RBFOX1: variants seen among roughly 807,000 people sequenced by gnomAD.
RBFOX1 encodes the protein RNA binding fox-1 homolog 1.
In RBFOX1, 8 loss-of-function variants were observed where a neutral mutation model predicts 57.7. That is an observed-to-expected ratio of 0.14 (90% CI 0.08 to 0.25). RBFOX1 has a LOEUF of 0.25. Ranked by LOEUF, RBFOX1 falls within the 10% of genes least tolerant of loss-of-function variation. The pLI is 1.00. For missense variants in RBFOX1, 611 were observed against 548.5 expected, an observed-to-expected ratio of 1.11 and a Z score of -1.14; for synonymous variants, 326 against 222.4, an observed-to-expected ratio of 1.47 and a Z score of -4.15.
chr16:7,241,785 A>G (rs534397735), intron 4 of RBFOX1, among the ~76,000 whole-genome samples: 2 of 151,910 alleles, frequency 1.3e-5, no homozygotes, highest in Non-Finnish European at 2.9e-5. Flanking sequence ...TTCTCTTTCA[A>G]TCTGTCTATA....
intron 5 of RBFOX1, among the ~76,000 whole-genome samples, chr16:7,544,122 A>G (rs1436305678): frequency 6.6e-6 from 1 of 152,226 alleles, no homozygotes; most frequent in Non-Finnish European, 1.5e-5. Context: ...AGACCAGGAA[A>G]GCCTGAATTG....
chr16:7,344,174 C>G lies in RBFOX1; in HGVS notation c.28-173973C>G, dbSNP rs9932756. ...GCAGTTTTCTCTTCGGTAAAATGGC[C>G]CATATTAAAAGTGCCTAAATTCAAG... is the stretch of plus-strand genomic sequence containing the variant. On this transcript the variant is annotated intron_variant, in intron 4 of 15. Coordinates refer to ENST00000550418, the MANE Select transcript of RBFOX1 (RefSeq NM_018723.4). 4.2e-3 allele frequency among the ~76,000 whole-genome samples: 623 copies of G among 147,068 alleles called. 3 individuals are homozygous for G. Among genetic ancestry groups the G allele is most frequent in the African/African-American group, 0.015 (601 of 39,900 alleles).
chr16:7,041,948 A>G (rs552020789), intron 3 of RBFOX1, among the ~76,000 whole-genome samples: 1 of 152,332 alleles, frequency 6.6e-6, no homozygotes, highest in Non-Finnish European at 1.5e-5. Flanking sequence ...AATTGCCTGC[A>G]GAGATTATAT....
intron 2 of RBFOX1, among the ~76,000 whole-genome samples, chr16:6,527,341 T>A (rs1257690849): frequency 6.6e-6 from 1 of 152,068 alleles, no homozygotes; most frequent in African/African-American, 2.4e-5. Flanking sequence ...TGTGTGTATG[T>A]GTGTGTATCC....
rs560842778 is a variant in RBFOX1 at position 5,248,594 on chromosome 16, C to T, written c.219+8489C>T. Among the ~76,000 whole-genome samples, 6 of 152,192 alleles carry T rather than the reference C, an allele frequency of 3.9e-5. No homozygotes were observed. The South Asian group carries it at 8.3e-4, about 21-fold the overall frequency. On this transcript the variant is annotated intron_variant, in intron 1 of 2. Coordinates refer to the RBFOX1 transcript ENST00000585867. Reference sequence around the variant, plus strand: ...AGAGCCCCGGGGCAGGAGCCAGGGCCGTGGAGCGCTTGGGGGGTGGTCTGA... The same window carrying T: ...AGAGCCCCGGGGCAGGAGCCAGGGCTGTGGAGCGCTTGGGGGGTGGTCTGA...
chr16:7,620,219 G>A (rs1323840168), intron 10 of RBFOX1, among the ~76,000 whole-genome samples: 2 of 152,082 alleles, frequency 1.3e-5, no homozygotes, highest in African/African-American at 4.8e-5. Flanking sequence ...ATTACTATTT[G>A]CCAAACACTT....
intron 2 of RBFOX1, among the ~76,000 whole-genome samples, chr16:6,614,591 T>C (rs576347953): frequency 9.5e-4 from 145 of 152,334 alleles, no homozygotes; most frequent in South Asian, 6.0e-3. Context: ...GGAGGTTGCA[T>C]GTCTGAAATC....
At chr16:7,570,899 G>T (rs746616927) in intron 5 of RBFOX1, among the ~76,000 whole-genome samples, 1 of 152,178 alleles carries the variant, frequency 6.6e-6, no homozygotes, top group Non-Finnish European at 1.5e-5. Context: ...ATACTATGTA[G>T]CCATGAAAGG....
chr16:6,960,645 C>G (rs143415893), intron 3 of RBFOX1, among the ~76,000 whole-genome samples: 20 of 152,174 alleles, frequency 1.3e-4, no homozygotes, highest in African/African-American at 4.8e-4. Context: ...CTTCCTTCCT[C>G]TGTTCTGGAG....
chr16:5,712,097 A>G (rs2051509109), intron 3 of RBFOX1, among the ~76,000 whole-genome samples: 1 of 152,118 alleles, frequency 6.6e-6, no homozygotes, highest in African/African-American at 2.4e-5. Flanking sequence ...AAGGGGGAGG[A>G]GCCCTGTATA....
At chr16:5,294,090 G>A (rs545338366) in intron 1 of RBFOX1, among the ~76,000 whole-genome samples, 10 of 152,096 alleles carry the variant, frequency 6.6e-5, no homozygotes, top group South Asian at 2.1e-4. Flanking sequence ...TTAGCTAGGC[G>A]TGGTGGTGCA....
intron 1 of RBFOX1, among the ~76,000 whole-genome samples, chr16:6,174,626 G>T (rs1437331478): frequency 6.6e-6 from 1 of 152,068 alleles, no homozygotes; most frequent in African/African-American, 2.4e-5. Flanking sequence ...AAAAAATAAA[G>T]AAAAGAAAAA....
intron 2 of RBFOX1, among the ~76,000 whole-genome samples, chr16:6,366,969 T>A (rs1352257784): frequency 6.6e-6 from 1 of 152,232 alleles, no homozygotes; most frequent in African/African-American, 2.4e-5. Context: ...AAAGTGCACA[T>A]GACAATTTTA....
At chr16:7,236,032 A>T (rs188971311) in intron 4 of RBFOX1, among the ~76,000 whole-genome samples, 1 of 152,288 alleles carries the variant, frequency 6.6e-6, no homozygotes, top group African/African-American at 2.4e-5. Flanking sequence ...GTCATTTTGT[A>T]TAAATAGTTC....
At chr16:5,504,951 A>G (rs1324164688) in intron 2 of RBFOX1, among the ~76,000 whole-genome samples, 2 of 152,118 alleles carry the variant, frequency 1.3e-5, no homozygotes, top group Non-Finnish European at 2.9e-5. Flanking sequence ...TGGTTGTCCT[A>G]GGGGCTGGGG....
intron 2 of RBFOX1, among the ~76,000 whole-genome samples, chr16:6,560,256 T>C (rs2097162642): frequency 6.6e-6 from 1 of 150,882 alleles, no homozygotes; most frequent in Admixed American, 6.6e-5. Context: ...GTGTGCGTGA[T>C]GCCTGAGCAA....
At chr16:7,064,448 T>C (rs1448459605) in intron 4 of RBFOX1, among the ~76,000 whole-genome samples, 1 of 151,990 alleles carries the variant, frequency 6.6e-6, no homozygotes, top group Non-Finnish European at 1.5e-5. Flanking sequence ...GGTTTACAGG[T>C]GTGAGCCACC....
rs186148390 is a variant in RBFOX1, at chr16:6,090,227, A to C, written c.-127+70235A>C. On this transcript the variant is annotated intron_variant, in intron 1 of 15. Transcript: ENST00000550418. ...GGAGACTTGTGACTACATTGGGCCCACAGAGATAATCCAGAATAGTCTCCC... is the reference window on the plus strand; with the variant it reads ...GGAGACTTGTGACTACATTGGGCCCCCAGAGATAATCCAGAATAGTCTCCC... The C allele has an allele frequency of 1.6e-4, 25 of 152,278 alleles. 1 individual carries two copies. The highest frequency in any genetic ancestry group is 5.3e-4 in the African/African-American group (22 of 41,562). 9.4% of individuals were successfully genotyped at this position (152,278 alleles called of 1,614,324 possible). A position where few individuals can be genotyped will look rare whatever the true frequency, so the allele number is the denominator to read the frequency against.
chr16:5,973,480 G>A (rs1567208079), intron 4 of RBFOX1, among the ~76,000 whole-genome samples: 1 of 152,194 alleles, frequency 6.6e-6, no homozygotes, highest in Non-Finnish European at 1.5e-5. Context: ...TGGGGATAAT[G>A]ATGCCTTCCC....
Sources: gnomAD v4.1 joint callset for allele counts (sites outside exome capture counted in the v4.1 genomes callset) on GRCh38, gnomAD v4.1.1 for gene constraint, MANE v1.5 for transcripts, NCBI Gene and HGNC (gene_info 2026-07-23, HGNC 2026-07-21) for gene names.